Variants in CADPS observed in about 807,000 individuals in gnomAD.
CADPS encodes calcium dependent secretion activator.
In CADPS, 57 loss-of-function variants were observed where a neutral mutation model predicts 167.3. The ratio of observed to expected loss-of-function variants is 0.34; its 90% CI spans 0.28 to 0.42. CADPS has a LOEUF of 0.42. Ranked by LOEUF, CADPS falls within the 20% of genes least tolerant of loss-of-function variation. The pLI is 1.00. For missense variants in CADPS, 1,414 were observed against 1,738.1 expected (o/e 0.81, Z 3.32); for synonymous variants, 676 against 635.3 (o/e 1.06, Z -0.96).
chr3:62,478,074 G>A lies in CADPS; in HGVS notation c.3329+187C>T. 1 of 598,964 alleles carries A rather than the reference G, an allele frequency of 1.7e-6. No individual in the cohort carries two copies. The highest frequency in any genetic ancestry group is 2.7e-5 in the South Asian group (1 of 37,152). 37.1% of individuals were successfully genotyped at this position (598,964 alleles called of 1,614,324 possible). A position where few individuals can be genotyped will look rare whatever the true frequency, so the allele number is the denominator to read the frequency against. ...GGCAGCCAGATTATTTTGGGTTTGGGACAGATGGAGGGCAGGTGAATGGAA... is the reference window on the plus strand; with the variant it reads ...GGCAGCCAGATTATTTTGGGTTTGGAACAGATGGAGGGCAGGTGAATGGAA... On this transcript the variant is annotated intron_variant, in intron 23 of 29. Transcript: ENST00000383710. The surrounding 1 kb of genome is among the most constrained non-coding windows in gnomAD (Gnocchi z 5.7).
intron 14 of CADPS, 51 bp from the exon 15 acceptor site, chr3:62,516,694 G>A (rs1222299188): frequency 2.3e-6 from 3 of 1,297,144 alleles, no homozygotes; most frequent in East Asian, 2.3e-5. Context: ...ATTTTAGCAT[G>A]AAATATGCTG....
chr3:62,614,614 C>T (rs956321630), intron 6 of CADPS, among the ~76,000 whole-genome samples: 1 of 152,076 alleles, frequency 6.6e-6, no homozygotes, highest in Admixed American at 6.6e-5. Flanking sequence ...GTTTGTGATC[C>T]CTGTTGAAGG....
intron 1 of CADPS, among the ~76,000 whole-genome samples, chr3:62,851,513 T>G (rs855105): frequency 0.46 from 67,502 of 145,658 alleles, 16,218 homozygotes; most frequent in East Asian, 0.57. Flanking sequence ...GTAAAGTATT[T>G]TATTTCTCCT....
chr3:62,460,623 A>T (rs1464738915), intron 26 of CADPS, among the ~76,000 whole-genome samples: 1 of 152,218 alleles, frequency 6.6e-6, no homozygotes, highest in Non-Finnish European at 1.5e-5. Flanking sequence ...TGGGCTTTAG[A>T]CCCAGGTGGC....
intron 1 of CADPS, among the ~76,000 whole-genome samples, chr3:62,839,464 G>A (rs1443153624): frequency 2.0e-5 from 3 of 152,102 alleles, no homozygotes; most frequent in African/African-American, 7.2e-5. Context: ...GTCAAGAGAC[G>A]TGAAACACCC....
chr3:62,614,119 C>T (rs1336761829), intron 6 of CADPS, among the ~76,000 whole-genome samples: 26 of 152,300 alleles, frequency 1.7e-4, no homozygotes, highest in African/African-American at 9.6e-5. Flanking sequence ...TTCAGCCTAA[C>T]AGCTCCTATT....
intron 13 of CADPS, among the ~76,000 whole-genome samples, chr3:62,529,253 C>G (rs1318765760): frequency 1.3e-5 from 2 of 152,142 alleles, no homozygotes; most frequent in African/African-American, 4.8e-5. Flanking sequence ...TAAAAAAATG[C>G]AATGCAAACA....
At chr3:62,504,346 C>T (rs578011922) in intron 17 of CADPS, among the ~76,000 whole-genome samples, 1 of 152,314 alleles carries the variant, frequency 6.6e-6, no homozygotes, top group South Asian at 2.1e-4. Flanking sequence ...ACAGCACTGC[C>T]TAAAGTTAAG....
Position 62,866,452 on chromosome 3 carries a change from A to C in CADPS, c.441+8137T>G, listed in dbSNP as rs557024970. 2.0e-5 allele frequency among the ~76,000 whole-genome samples: 3 copies of C among 152,158 alleles called. No individual in the cohort carries two copies. The East Asian group carries it at 5.8e-4, about 29-fold the overall frequency. On this transcript the variant is annotated intron_variant, in intron 1 of 29. Transcript: ENST00000383710. ...TACTGTTTTGGGAGATGGGAATCTT[A>C]CAGTCTAGTGAGTGATAGGCATGTG...
chr3:62,669,332 C>T (rs573516376), intron 3 of CADPS, among the ~76,000 whole-genome samples: 65 of 152,302 alleles, frequency 4.3e-4, no homozygotes, highest in African/African-American at 1.5e-3. Context: ...TATCCTCCTT[C>T]AGAGACAAGC....
chr3:62,458,801 T>G lies in CADPS; in HGVS notation c.3636+6566A>C, dbSNP rs1402764722. On this transcript the variant is annotated intron_variant, in intron 26 of 29. Coordinates refer to ENST00000383710, the MANE Select transcript of CADPS (RefSeq NM_003716.4). This position sits in a 1 kb window ranked among gnomAD's most constrained non-coding sequence, Gnocchi z 4.6. ...TAGGTATTTCTTTTGTAGCTAGCAT[T>G]TCTGTGACCTGGTCACTTAGACCAC... 6.6e-6 allele frequency among the ~76,000 whole-genome samples: 1 copy of G among 152,340 alleles called. No individual in the cohort carries two copies. The highest frequency in any genetic ancestry group is 1.9e-4 in the East Asian group (1 of 5,192).
chr3:62,464,169 C>T (rs1040443903), intron 26 of CADPS, among the ~76,000 whole-genome samples: 1 of 152,200 alleles, frequency 6.6e-6, no homozygotes, highest in Non-Finnish European at 1.5e-5. Context: ...AACATATTAT[C>T]TGCCCTGCAC....
chr3:62,451,932 C>T (rs950648474), intron 26 of CADPS, among the ~76,000 whole-genome samples: 7 of 152,082 alleles, frequency 4.6e-5, no homozygotes, highest in African/African-American at 1.7e-4. Flanking sequence ...AAAATCATTT[C>T]GTCTCCTGTT....
chr3:62,513,890 A>C (rs1161520552), intron 16 of CADPS, among the ~76,000 whole-genome samples: 1 of 152,036 alleles, frequency 6.6e-6, no homozygotes, highest in East Asian at 1.9e-4. Flanking sequence ...ACCATTCAGC[A>C]TGCCGTGAGT....
At chr3:62,451,874 T>C (rs2058100298) in intron 26 of CADPS, among the ~76,000 whole-genome samples, 1 of 152,168 alleles carries the variant, frequency 6.6e-6, no homozygotes, top group Non-Finnish European at 1.5e-5. Context: ...GATTTTTTTG[T>C]GTGTCAAGGC....
rs773527072 is a variant in CADPS, at chr3:62,544,823, G to C, written c.1966+5080C>G. On this transcript the variant is annotated intron_variant, in intron 11 of 29. Transcript: ENST00000383710. This position sits in a 1 kb window ranked among gnomAD's most constrained non-coding sequence, Gnocchi z 4.4. The stretch of plus-strand genomic sequence containing the variant: ...ATAATCTAATCTGATTATCTGAGCT[G>C]TGCTAGCTATAGGGGAGCACTTACC... 3.5e-5 allele frequency: 42 copies of C among 1,203,822 alleles called. No individual in the cohort carries two copies. The highest frequency in any genetic ancestry group is 6.6e-5 in the Admixed American group (2 of 30,430). 74.6% of individuals were successfully genotyped at this position (1,203,822 alleles called of 1,614,324 possible). A position where few individuals can be genotyped will look rare whatever the true frequency, so the allele number is the denominator to read the frequency against.
chr3:62,515,702 C>T (rs2068809841), intron 16 of CADPS, among the ~76,000 whole-genome samples: 2 of 152,012 alleles, frequency 1.3e-5, no homozygotes, highest in Non-Finnish European at 2.9e-5. Flanking sequence ...CTTTATTTTC[C>T]TCTGTTTAAA....
At chr3:62,491,698 C>T (rs999148419) in intron 20 of CADPS, among the ~76,000 whole-genome samples, 1 of 152,046 alleles carries the variant, frequency 6.6e-6, no homozygotes, top group African/African-American at 2.4e-5. Context: ...ACACTTTACC[C>T]CTTGGTATTG....
chr3:62,595,560 A>G (rs2058791695), intron 6 of CADPS, among the ~76,000 whole-genome samples: 1 of 152,230 alleles, frequency 6.6e-6, no homozygotes, highest in African/African-American at 2.4e-5. Flanking sequence ...TGAGAACCCA[A>G]CAAATTTTGG....
Sources: gnomAD v4.1 joint callset for allele counts (sites outside exome capture counted in the v4.1 genomes callset) on GRCh38, gnomAD v4.1.1 for gene constraint, Gnocchi (gnomAD v3.1) non-coding constraint, MANE v1.5 for transcripts, NCBI Gene and HGNC (gene_info 2026-07-23, HGNC 2026-07-21) for gene names.